COG8: variants seen among roughly 807,000 people sequenced by gnomAD.
The protein encoded by COG8 is conserved oligomeric Golgi complex subunit 8.
A neutral mutation model predicts 46.5 loss-of-function variants in COG8; 45 were observed. The ratio of observed to expected loss-of-function variants is 0.97; its 90% CI spans 0.76 to 1.24. COG8 has a LOEUF of 1.24. Ranked by LOEUF, COG8 falls within the 50% of genes most tolerant of loss-of-function variation. The pLI, the probability that COG8 is intolerant of heterozygous loss-of-function variation, is 0.00. For synonymous variants in COG8, 407 were observed against 347.8 expected (o/e 1.17, Z -1.90); for missense variants, 793 against 820.8 (o/e 0.97, Z 0.41).
At position 69,339,357 on chromosome 16, in the gene COG8, C is replaced by G. The variant is rs766347437; in HGVS notation, c.196G>C (p.Glu66Gln). 1 of 1,586,854 alleles carries G rather than the reference C, an allele frequency of 6.3e-7. No individual in the cohort carries two copies. The highest frequency in any genetic ancestry group is 8.5e-7 in the Non-Finnish European group (1 of 1,170,682). ...SGLERLRREPERLAEERAQLL... is the reference protein window; with the variant it reads ...SGLERLRREPQRLAEERAQLL... ...TGCGCCCGCTCCTCCGCCAGGCGCTCGGGCTCGCGCCGCAGCCGCTCCAGC... is the reference window on the plus strand; with the variant it reads ...TGCGCCCGCTCCTCCGCCAGGCGCTGGGGCTCGCGCCGCAGCCGCTCCAGC... Residue 66 changes from glutamate to glutamine, a missense_variant, in exon 1 of 6, where the codon GAG becomes CAG. By Grantham distance (29) the Glu-to-Gln change is conservative. Coordinates refer to ENST00000306875, the MANE Select transcript of COG8 (RefSeq NM_032382.5).
intron 4 of COG8, among the ~76,000 whole-genome samples, chr16:69,332,423 T>C (rs2011935582): frequency 6.6e-6 from 1 of 152,252 alleles, no homozygotes; most frequent in South Asian, 2.1e-4. Context: ...GTAGTTCTTT[T>C]GTGACTGGCT....
intron 5 of COG8, chr16:69,330,257 CG>C: frequency 7.0e-7 from 1 of 1,437,426 alleles, no homozygotes; most frequent in Non-Finnish European, 9.1e-7. Context: ...GCAGCGCCGC[CG>C]CCGCATCACC....
At chr16:69,332,332 C>G (rs373324809) in intron 4 of COG8, among the ~76,000 whole-genome samples, 1 of 151,672 alleles carries the variant, frequency 6.6e-6, no homozygotes, top group African/African-American at 2.4e-5. Flanking sequence ...CCTGGCAACA[C>G]AGCGAGACTC....
Position 69,336,579 on chromosome 16 carries a change from A to G in COG8, c.511T>C (p.Tyr171His), listed in dbSNP as rs141717174. 1 of 1,614,136 alleles carries G rather than the reference A, an allele frequency of 6.2e-7. No homozygotes were observed. Among genetic ancestry groups the G allele is most frequent in the Non-Finnish European group, 8.5e-7 (1 of 1,180,014 alleles). ...LMDTCVRNSY[Y>H]EEALELAAYV... The stretch of plus-strand genomic sequence containing the variant: ...GCTGCAAGCTCCAGGGCCTCTTCAT[A>G]ATAACTGTTCCGGACACAGGTGTCC... The change falls in exon 2 of 6, where the codon TAT (tyrosine) becomes CAT (histidine). Residue 171 changes from tyrosine to histidine, a missense_variant. Transcript: ENST00000306875.
At chr16:69,332,633 C>G (rs775796203) in intron 4 of COG8, 81 bp downstream of exon 4, 2 of 1,316,614 alleles carry the variant, frequency 1.5e-6, no homozygotes, top group Admixed American at 1.7e-5. Context: ...CTAAAAAACA[C>G]TGACTTACAC....
chr16:69,330,454 G>A, intron 5 of COG8: 1 of 1,472,200 alleles, frequency 6.8e-7, no homozygotes, highest in South Asian at 1.3e-5. Flanking sequence ...CCGGGCCCTC[G>A]ACGCCGTCCG....
chr16:69,334,423 C>G (rs1042090176), intron 3 of COG8, 98 bp downstream of exon 3: 3 of 1,086,748 alleles, frequency 2.8e-6, no homozygotes, highest in Admixed American at 4.0e-5. Flanking sequence ...CTCTCCATGT[C>G]AGCAGACACC....
intron 2 of COG8, among the ~76,000 whole-genome samples, chr16:69,335,803 G>A (rs902441877): frequency 6.1e-5 from 9 of 147,554 alleles, no homozygotes; most frequent in Admixed American, 4.8e-4. Flanking sequence ...GGGACAGAGC[G>A]AGACTCTGTC....
chr16:69,329,070 C>T lies in COG8; in HGVS notation c.*136G>A. 6.2e-7 allele frequency: 1 copy of T among 1,612,130 alleles called. No individual in the cohort carries two copies. The highest frequency in any genetic ancestry group is 1.1e-5 in the South Asian group (1 of 90,780). ...AGACGTTTGTGAACGTCCTGCTGTCCATTTTGTCAATAAACAGGCAGCCCT... is the reference window on the plus strand; with the variant it reads ...AGACGTTTGTGAACGTCCTGCTGTCTATTTTGTCAATAAACAGGCAGCCCT... On this transcript the variant is annotated 3_prime_UTR_variant, in exon 6 of 6. Coordinates refer to ENST00000306875, the MANE Select transcript of COG8 (RefSeq NM_032382.5).
chr16:69,330,583 A>T (rs1264294807), intron 5 of COG8: 1 of 1,443,876 alleles, frequency 6.9e-7, no homozygotes, highest in Non-Finnish European at 9.0e-7. Context: ...CGGCCCCCTT[A>T]ACAGTGACCC....
In COG8 at chr16:69,327,708, A is replaced by T. The variant is rs1291620821; in HGVS notation, c.*1498T>A. On this transcript the variant is annotated 3_prime_UTR_variant, in exon 6 of 6. Transcript: ENST00000306875. Reference sequence around the variant, plus strand: ...AAACTCAGCATAAAAATGAGGTGAAACAGTTTAACTAAAACTGGAGTTTGG... The same window carrying T: ...AAACTCAGCATAAAAATGAGGTGAATCAGTTTAACTAAAACTGGAGTTTGG... The T allele has an allele frequency of 6.6e-6, 1 of 152,130 alleles. No individual in the cohort carries two copies. The highest frequency in any genetic ancestry group is 1.5e-5 in the Non-Finnish European group (1 of 68,042). 9.4% of individuals were successfully genotyped at this position (152,130 alleles called of 1,614,324 possible). A position where few individuals can be genotyped will look rare whatever the true frequency, so the allele number is the denominator to read the frequency against.
intron 4 of COG8, 106 bp downstream of exon 4, chr16:69,332,608 T>C: frequency 1.9e-6 from 2 of 1,079,522 alleles, no homozygotes; most frequent in Middle Eastern, 2.7e-4. Context: ...TATTCTAAAA[T>C]TGGATTCATA....
intron 5 of COG8, chr16:69,330,385 C>T (rs571186933): frequency 3.4e-6 from 5 of 1,479,308 alleles, no homozygotes; most frequent in Middle Eastern, 2.3e-4. Flanking sequence ...GCGAGAACGG[C>T]GGTTCGGGAG....
At position 69,332,859 on chromosome 16, in the gene COG8, G is replaced by T; in HGVS notation, c.1437C>A (p.Phe479Leu). Residue 479 changes from phenylalanine (F) to leucine (L), a missense_variant, in exon 4 of 6, where the codon TTC becomes TTA. By Grantham distance (22) the Phe-to-Leu change is conservative. Coordinates refer to ENST00000306875, the MANE Select transcript of COG8 (RefSeq NM_032382.5). ...TGAAGGCAGCCTCTTCAGCGCGATG[G>T]AAGGCCAGGATTATTTTAGTTACCT... ...LAKVTKIILA[F>L]HRAEEAAFSS... The T allele has an allele frequency of 6.2e-7, 1 of 1,614,226 alleles. No homozygotes were observed. The highest frequency in any genetic ancestry group is 8.5e-7 in the Non-Finnish European group (1 of 1,180,032).
At chr16:69,330,127 G>T in intron 5 of COG8, 2 of 1,579,152 alleles carry the variant, frequency 1.3e-6, no homozygotes, top group African/African-American at 1.4e-5. Context: ...CGCGCAGGGG[G>T]AAGGGCTCCA....
chr16:69,332,633 C>T (rs775796203), intron 4 of COG8, 81 bp downstream of exon 4: 2 of 1,316,614 alleles, frequency 1.5e-6, no homozygotes, highest in East Asian at 2.3e-5. Flanking sequence ...CTAAAAAACA[C>T]TGACTTACAC....
intron 5 of COG8, chr16:69,330,300 C>T: frequency 7.0e-7 from 1 of 1,431,962 alleles, no homozygotes; most frequent in Non-Finnish European, 9.1e-7. Context: ...CGCTGCAGCT[C>T]GGGCCCGCCT....
chr16:69,339,134 T>C (rs1207585281), intron 1 of COG8, 42 bp downstream of exon 1: 1 of 1,612,470 alleles, frequency 6.2e-7, no homozygotes, highest in Non-Finnish European at 8.5e-7. Flanking sequence ...AAATGTCAGC[T>C]TTTACAGTTA....
At chr16:69,330,271 G>A (rs2011689276) in intron 5 of COG8, 3 of 1,438,974 alleles carry the variant, frequency 2.1e-6, no homozygotes, top group Non-Finnish European at 2.7e-6. Flanking sequence ...GCATCACCTG[G>A]ACCAGCCGTT....
Sources: allele counts gnomAD v4.1 joint callset (sites outside exome capture counted in the v4.1 genomes callset), GRCh38; gene constraint gnomAD v4.1.1; transcripts MANE v1.5; gene names NCBI Gene and HGNC (gene_info 2026-07-23, HGNC 2026-07-21).